PPFIA4: variants seen among roughly 807,000 people sequenced by gnomAD.
PPFIA4 encodes the protein PPFI scaffold protein A4, also known as liprin-alpha-4.
PPFIA4 carries 98 observed loss-of-function variants against 145.7 expected under a neutral mutation model. The observed-to-expected ratio is 0.67, with a 90% confidence interval of 0.57 to 0.80. The LOEUF (loss-of-function observed/expected upper bound fraction) is 0.80, where lower values mean the gene tolerates loss of function less well. Among genes scored for constraint, PPFIA4 ranks in the 30% least tolerant of loss-of-function variants. PPFIA4 has a pLI of 0.00. For synonymous variants in PPFIA4, 628 were observed against 649.6 expected, an observed-to-expected ratio of 0.97 and a Z score of 0.51; for missense variants, 1,457 against 1,632.7, an observed-to-expected ratio of 0.89 and a Z score of 1.85.
chr1:203,048,662 A>C lies in PPFIA4; in HGVS notation c.1304A>C (p.Asn435Thr). The C allele has an allele frequency of 6.2e-7, 1 of 1,608,672 alleles. No individual in the cohort carries two copies. Among genetic ancestry groups the C allele is most frequent in the Non-Finnish European group, 8.5e-7 (1 of 1,178,378 alleles). ...GTGGACCGGCTGCTCAGCGAGTCCA[A>C]CGAGCGTCTGCAGCTCCACCTGAAG... is the stretch of plus-strand genomic sequence containing the variant. Reference protein sequence around the residue: ...DTVDRLLSESNERLQLHLKER... With the variant: ...DTVDRLLSESTERLQLHLKER... Residue 435 changes from asparagine to threonine, a missense_variant, in exon 11 of 30, where the codon AAC (asparagine) becomes ACC (threonine). Asn to Thr is a moderately conservative substitution (Grantham distance 65, BLOSUM62 0). Coordinates refer to ENST00000295706, the MANE Select transcript of PPFIA4 (RefSeq NM_001304331.2). The surrounding 1 kb of genome is among the most constrained non-coding windows in gnomAD (Gnocchi z 5.8).
At chr1:203,071,121 ATT>A (rs745766089) in intron 27 of PPFIA4, among the ~76,000 whole-genome samples, 17 of 135,508 alleles carry the variant, frequency 1.3e-4, no homozygotes, top group Admixed American at 2.2e-4. Flanking sequence ...AGTTAATTAA[ATT>A]TTTTTTTTTT....
chr1:203,027,757 G>C (rs1329933073), intron 1 of PPFIA4, among the ~76,000 whole-genome samples: 1 of 152,188 alleles, frequency 6.6e-6, no homozygotes, highest in Non-Finnish European at 1.5e-5. Flanking sequence ...TTACAGCCAC[G>C]GAGTAGCTGA....
At chr1:203,067,581 CTT>C (rs928728994) in intron 25 of PPFIA4, 112 bp from the exon 26 acceptor site, 2 of 869,790 alleles carry the variant, frequency 2.3e-6, no homozygotes, top group African/African-American at 3.3e-5. Context: ...CTGGGGTGCT[CTT>C]TGTGCTGGAG....
chr1:203,061,070 G>A (rs374665375), intron 23 of PPFIA4, 38 bp downstream of exon 23: 42 of 1,588,972 alleles, frequency 2.6e-5, no homozygotes, highest in Non-Finnish European at 3.5e-5. Flanking sequence ...TGGGCCTGGG[G>A]TTGGGACTGA....
rs1281606700 is a variant in PPFIA4, at chr1:203,077,160, G to C, written c.*770G>C. 6.6e-6 allele frequency: 1 copy of C among 152,282 alleles called. No homozygotes were observed. The highest frequency in any genetic ancestry group is 1.5e-5 in the Non-Finnish European group (1 of 68,112). 9.4% of individuals were successfully genotyped at this position (152,282 alleles called of 1,614,324 possible). On this transcript the variant is annotated 3_prime_UTR_variant, in exon 30 of 30. Transcript: ENST00000295706. ...AAGCTCCCACCTAATAAGAAGCATA[G>C]GCAGACCAGCCAGAGGGAGAGCCAA...
At chr1:203,058,095 A>G (rs750516305) in intron 19 of PPFIA4, among the ~76,000 whole-genome samples, 2 of 152,168 alleles carry the variant, frequency 1.3e-5, no homozygotes, top group African/African-American at 2.4e-5. Flanking sequence ...AATTTCGTGC[A>G]GGGGAGGAAC....
At chr1:203,065,893 C>CAGGTCTT (rs1214298517) in intron 25 of PPFIA4, among the ~76,000 whole-genome samples, 1 of 152,190 alleles carries the variant, frequency 6.6e-6, no homozygotes, top group Non-Finnish European at 1.5e-5. Flanking sequence ...CTCTATTGAG[C>CAGGTCTT]AGGTCTTCTA....
At chr1:203,053,998 AAGGGC>A in intron 15 of PPFIA4, 37 bp downstream of exon 15, 1 of 1,545,932 alleles carries the variant, frequency 6.5e-7, no homozygotes, top group South Asian at 1.2e-5. Flanking sequence ...AAGTGCATTG[AAGGGC>A]AGGGGGGCCC....
At chr1:203,066,512 G>A (rs554542567) in intron 25 of PPFIA4, among the ~76,000 whole-genome samples, 3 of 152,304 alleles carry the variant, frequency 2.0e-5, no homozygotes, top group Non-Finnish European at 4.4e-5. Flanking sequence ...AAGGAAGGAA[G>A]AACACTACAG....
intron 28 of PPFIA4, among the ~76,000 whole-genome samples, chr1:203,074,672 G>T (rs1023446825): frequency 6.6e-6 from 1 of 152,088 alleles, no homozygotes; most frequent in Non-Finnish European, 1.5e-5. Flanking sequence ...GTCCCACTCT[G>T]CCTGCATCAG....
chr1:203,051,946 G>A lies in PPFIA4; in HGVS notation c.1620+69G>A, dbSNP rs549768732. 29 of 1,525,694 alleles carry A rather than the reference G, an allele frequency of 1.9e-5. No individual in the cohort carries two copies. The East Asian group carries it at 2.6e-4, about 14-fold the overall frequency. 94.5% of individuals were successfully genotyped at this position (1,525,694 alleles called of 1,614,324 possible). ...CGGCCGCGTGCCTGGCTCCAGTTAC[G>A]CAGACGGCTGGTGTGTGGGGCAAAT... On this transcript the variant is annotated intron_variant, in intron 14 of 29. Transcript: ENST00000295706.
At position 203,055,566 on chromosome 1, in the gene PPFIA4, C is replaced by A. The variant is rs1660880500; in HGVS notation, c.1964C>A (p.Ala655Asp). Reference sequence around the variant, plus strand: ...GGTTCCATCCCCACCTCTCTGACGGCCCTGTCCCTGGCCAGCGCGTCCCCA... The same window carrying A: ...GGTTCCATCCCCACCTCTCTGACGGACCTGTCCCTGGCCAGCGCGTCCCCA... ...KRGSIPTSLT[A>D]LSLASASPPL... The change falls in exon 16 of 30, where the codon GCC becomes GAC. Residue 655 changes from alanine (A) to aspartate (D), a missense_variant. By Grantham distance (126) the Ala-to-Asp change is moderately radical (BLOSUM62 -2). Coordinates refer to ENST00000295706, the MANE Select transcript of PPFIA4 (RefSeq NM_001304331.2). This position sits in a 1 kb window ranked among gnomAD's most constrained non-coding sequence, Gnocchi z 4.8. The A allele has an allele frequency of 6.2e-7, 1 of 1,614,044 alleles. No homozygotes were observed. The highest frequency in any genetic ancestry group is 1.6e-4 in the Middle Eastern group (1 of 6,062).
At chr1:203,059,987 GC>G in intron 21 of PPFIA4, 136 bp downstream of exon 21, 2 of 824,464 alleles carry the variant, frequency 2.4e-6, no homozygotes, top group Non-Finnish European at 4.0e-6. Flanking sequence ...CTAGCATTTA[GC>G]CCCCCTCCCC....
chr1:203,069,755 A>ACCCTTCCCCC (rs1553260595), intron 27 of PPFIA4, among the ~76,000 whole-genome samples: 1 of 104,764 alleles, frequency 9.5e-6, no homozygotes, highest in Non-Finnish European at 2.0e-5. Flanking sequence ...TTCTGCAGTG[A>ACCCTTCCCCC]CCCCCCCGCC....
intron 9 of PPFIA4, among the ~76,000 whole-genome samples, chr1:203,047,895 G>A (rs553248928): frequency 3.9e-5 from 6 of 152,352 alleles, no homozygotes; most frequent in African/African-American, 1.4e-4. Flanking sequence ...ATCTGGAGGC[G>A]TAGAGGTTTA....
chr1:203,051,716 T>TG, intron 13 of PPFIA4, 53 bp from the exon 14 acceptor site: 1 of 1,560,816 alleles, frequency 6.4e-7, no homozygotes, highest in Non-Finnish European at 8.7e-7. Context: ...GGGTGTGAGC[T>TG]GGGGGTCTCA....
intron 1 of PPFIA4, among the ~76,000 whole-genome samples, chr1:203,035,067 T>C (rs1659129329): frequency 6.6e-6 from 1 of 152,224 alleles, no homozygotes; most frequent in Admixed American, 6.5e-5. Context: ...GTGAGTGACT[T>C]ACAGCAGCTC....
chr1:203,053,673 T>A, intron 14 of PPFIA4, 80 bp from the exon 15 acceptor site: 1 of 1,187,294 alleles, frequency 8.4e-7, no homozygotes, highest in Non-Finnish European at 1.2e-6. Context: ...CCAGTGCTGG[T>A]GGGTAGAGGT....
Position 203,048,007 on chromosome 1 carries a change from C to T in PPFIA4, c.1141-220C>T, listed in dbSNP as rs184017130. On this transcript the variant is annotated intron_variant, in intron 9 of 29. Transcript: ENST00000295706. This position sits in a 1 kb window ranked among gnomAD's most constrained non-coding sequence, Gnocchi z 5.8. ...AGGATGTTTTAAGGCTAGGCCTGAG[C>T]GAGGAGGAGGCAGGGGAGACCTGGC... is the stretch of plus-strand genomic sequence containing the variant. Among the ~76,000 whole-genome samples the T allele has an allele frequency of 1.1e-4, 16 of 152,256 alleles. No individual in the cohort carries two copies. In the East Asian group the frequency reaches 2.3e-3, roughly 22 times the overall value.
Sources: allele counts gnomAD v4.1 joint callset (sites outside exome capture counted in the v4.1 genomes callset), GRCh38; gene constraint gnomAD v4.1.1; non-coding constraint Gnocchi (gnomAD v3.1); transcripts MANE v1.5; gene names NCBI Gene and HGNC (gene_info 2026-07-23, HGNC 2026-07-21).